MCC: variants seen among roughly 807,000 people sequenced by gnomAD.
MCC encodes the protein MCC regulator of Wnt signaling pathway, also known as colorectal mutant cancer protein.
MCC carries 90 observed loss-of-function variants against 116.2 expected under a neutral mutation model. The observed-to-expected ratio is 0.77, with a 90% CI of 0.65 to 0.92. The LOEUF (loss-of-function observed/expected upper bound fraction) is 0.92, where lower values mean the gene tolerates loss of function less well. Among genes scored for constraint, MCC ranks in the 40% least tolerant of loss-of-function variants. The pLI is 0.00. For synonymous variants in MCC, 578 were observed against 510.5 expected, an observed-to-expected ratio of 1.13 and a Z score of -1.78; for missense variants, 1,516 against 1,312.2, an observed-to-expected ratio of 1.16 and a Z score of -2.40.
At chr5:113,200,437 T>C (rs1581243972) in intron 3 of MCC, among the ~76,000 whole-genome samples, 1 of 152,298 alleles carries the variant, frequency 6.6e-6, no homozygotes, top group East Asian at 1.9e-4. Context: ...CATCACTGCC[T>C]GCCTGCTGAT....
Position 113,027,589 on chromosome 5 carries a change from A to G in MCC, c.2880-107T>C, listed in dbSNP as rs1750646668. 17 of 989,550 alleles carry G rather than the reference A, an allele frequency of 1.7e-5. 1 individual carries two copies. The South Asian group carries it at 2.6e-4, about 15-fold the overall frequency. 61.3% of individuals were successfully genotyped at this position (989,550 alleles called of 1,614,324 possible). On this transcript the variant is annotated intron_variant, in intron 18 of 18. Coordinates refer to ENST00000408903, the MANE Select transcript of MCC (RefSeq NM_001085377.2). ...ATCTAGTGAGCACTGCTCTGAAGAA[A>G]GATCACTCATCCTCTTCGGTAAGAA...
chr5:113,034,498 C>CGA (rs1751189499), intron 17 of MCC, among the ~76,000 whole-genome samples: 1 of 152,288 alleles, frequency 6.6e-6, no homozygotes, highest in African/African-American at 2.4e-5. Context: ...AGTCATCGGG[C>CGA]GAGAGCCCAG....
intron 3 of MCC, among the ~76,000 whole-genome samples, chr5:113,205,389 T>C (rs895753814): frequency 6.6e-6 from 1 of 152,170 alleles, no homozygotes; most frequent in African/African-American, 2.4e-5. Flanking sequence ...TGGTCAGGTA[T>C]GGAATGTGGG....
At chr5:113,236,083 G>A (rs1019881090) in intron 3 of MCC, among the ~76,000 whole-genome samples, 1 of 152,198 alleles carries the variant, frequency 6.6e-6, no homozygotes, top group African/African-American at 2.4e-5. Context: ...TAAATTCTAT[G>A]ACAGGTAAAA....
Position 113,279,883 on chromosome 5 carries a change from T to C in MCC, c.627+60636A>G, listed in dbSNP as rs1001550748. Among the ~76,000 whole-genome samples, 6 of 152,242 alleles carry C rather than the reference T, an allele frequency of 3.9e-5. No individual in the cohort carries two copies. In the East Asian group the frequency reaches 1.2e-3, roughly 29 times the overall value. Reference sequence around the variant, plus strand: ...GTATAGATGTAGCTTTTGAAATGCATAAAGGGAATACTTGCAAAATGAAAT... The same window carrying C: ...GTATAGATGTAGCTTTTGAAATGCACAAAGGGAATACTTGCAAAATGAAAT... On this transcript the variant is annotated intron_variant, in intron 3 of 18. Transcript: ENST00000408903.
intron 2 of MCC, among the ~76,000 whole-genome samples, chr5:113,374,222 T>C (rs550257021): frequency 6.6e-6 from 1 of 151,892 alleles, no homozygotes; most frequent in Non-Finnish European, 1.5e-5. Flanking sequence ...TTTTTGTTTT[T>C]TTTTTTAATA....
intron 4 of MCC, among the ~76,000 whole-genome samples, chr5:113,149,322 A>C (rs1218001466): frequency 6.6e-6 from 1 of 152,084 alleles, no homozygotes; most frequent in Non-Finnish European, 1.5e-5. Flanking sequence ...AATGCTTTCC[A>C]GTTTTTTCTA....
chr5:113,258,263 A>C (rs1024798311), intron 3 of MCC, among the ~76,000 whole-genome samples: 1 of 152,248 alleles, frequency 6.6e-6, no homozygotes, highest in African/African-American at 2.4e-5. Flanking sequence ...CTGAATTGTG[A>C]TGTAAAAATG....
At position 113,317,487 on chromosome 5, in the gene MCC, A is replaced by G. The variant is rs116490404; in HGVS notation, c.627+23032T>C. On this transcript the variant is annotated intron_variant, in intron 3 of 18. Coordinates refer to ENST00000408903, the MANE Select transcript of MCC (RefSeq NM_001085377.2). Reference sequence around the variant, plus strand: ...ATCAAATGGGTCATCACTAAAATTCATACAGGTGTACCAGCAGTTGTTTCA... The same window carrying G: ...ATCAAATGGGTCATCACTAAAATTCGTACAGGTGTACCAGCAGTTGTTTCA... Among the ~76,000 whole-genome samples the G allele has an allele frequency of 1.8e-3, 271 of 152,336 alleles. 2 individuals carry two copies. Among genetic ancestry groups the G allele is most frequent in the African/African-American group, 6.2e-3 (256 of 41,580 alleles).
At chr5:113,215,092 G>T (rs1763261757) in intron 3 of MCC, among the ~76,000 whole-genome samples, 1 of 152,122 alleles carries the variant, frequency 6.6e-6, no homozygotes, top group Admixed American at 6.5e-5. Flanking sequence ...TACTTGGCTG[G>T]CTACTGCCAG....
chr5:113,307,952 G>A (rs1561517954), intron 3 of MCC, among the ~76,000 whole-genome samples: 1 of 148,052 alleles, frequency 6.8e-6, no homozygotes, highest in South Asian at 2.2e-4. Context: ...TGGAGTGTCA[G>A]CTCCATTTGC....
chr5:113,134,746 C>T (rs944900630), intron 5 of MCC, among the ~76,000 whole-genome samples: 3 of 151,502 alleles, frequency 2.0e-5, no homozygotes, highest in Admixed American at 6.6e-5. Context: ...AAAAATCAGA[C>T]GTTGGTGATG....
At chr5:113,206,828 T>G (rs967299168) in intron 3 of MCC, among the ~76,000 whole-genome samples, 1 of 152,266 alleles carries the variant, frequency 6.6e-6, no homozygotes, top group African/African-American at 2.4e-5. Flanking sequence ...AATATTTGTA[T>G]AACCCCTTAC....
At chr5:113,454,284 T>C (rs949507374) in intron 1 of MCC, among the ~76,000 whole-genome samples, 4 of 152,196 alleles carry the variant, frequency 2.6e-5, no homozygotes, top group Non-Finnish European at 5.9e-5. Context: ...TTTATATTTT[T>C]TGTAGAGACA....
chr5:113,373,315 CA>C (rs1310150832), intron 2 of MCC, among the ~76,000 whole-genome samples: 1 of 151,960 alleles, frequency 6.6e-6, no homozygotes, highest in Non-Finnish European at 1.5e-5. Context: ...AAAAGACACA[CA>C]TATAAAATAT....
At chr5:113,116,183 C>G (rs1757382723) in intron 6 of MCC, among the ~76,000 whole-genome samples, 1 of 152,198 alleles carries the variant, frequency 6.6e-6, no homozygotes, top group African/African-American at 2.4e-5. Context: ...TCATCCCAGG[C>G]CCTGTGACCC....
intron 7 of MCC, among the ~76,000 whole-genome samples, chr5:113,103,881 TGG>T (rs1756575212): frequency 6.6e-6 from 1 of 152,108 alleles, no homozygotes; most frequent in African/African-American, 2.4e-5. Context: ...AGCTTACGAG[TGG>T]CTCTATGATG....
chr5:113,400,706 T>C (rs1245547427), intron 1 of MCC, among the ~76,000 whole-genome samples: 1 of 152,234 alleles, frequency 6.6e-6, no homozygotes, highest in African/African-American at 2.4e-5. Context: ...ACAGGGTCTA[T>C]CAGTGCCTTG....
intron 3 of MCC, among the ~76,000 whole-genome samples, chr5:113,301,869 A>G (rs577069166): frequency 5.0e-4 from 76 of 152,350 alleles, no homozygotes; most frequent in Middle Eastern, 3.4e-3. Flanking sequence ...TCAGAGCCAA[A>G]TCGTGCAGAA....
Sources: gnomAD v4.1 joint callset for allele counts (sites outside exome capture counted in the v4.1 genomes callset) on GRCh38, gnomAD v4.1.1 for gene constraint, MANE v1.5 for transcripts, NCBI Gene and HGNC (gene_info 2026-07-23, HGNC 2026-07-21) for gene names.